The following SLC39A11 variants were observed in gnomAD, a reference collection of about 807,000 sequenced individuals.
SLC39A11 encodes the protein solute carrier family 39 member 11, also known as zinc transporter ZIP11.
Under a neutral mutation model 36.1 loss-of-function variants are expected in SLC39A11, and 33 were observed. The observed-to-expected ratio is 0.91, with a 90% confidence interval of 0.69 to 1.22. The LOEUF is 1.22. SLC39A11 is among the 50% of genes most tolerant of loss of function. SLC39A11 has a pLI of 0.00. For synonymous variants in SLC39A11, 166 were observed against 170.3 expected (o/e 0.97, Z 0.20); for missense variants, 432 against 430.3 (o/e 1.00, Z -0.03).
Position 72,722,737 on chromosome 17 carries a change from C to A in SLC39A11, c.671+13913G>T, listed in dbSNP as rs760407723. On this transcript the variant is annotated intron_variant, in intron 7 of 9. Transcript: ENST00000255559. ...GCAACCTCCGCCTCCCGGGTTCAAG[C>A]GATTCTCCTGCCTCAGCCTCCCGAG... 6.1e-4 allele frequency among the ~76,000 whole-genome samples: 93 copies of A among 152,130 alleles called. 1 individual carries two copies. The highest frequency in any genetic ancestry group is 1.0e-3 in the Non-Finnish European group (71 of 67,984).
chr17:72,740,766 T>G (rs994199411), intron 6 of SLC39A11, among the ~76,000 whole-genome samples: 2 of 152,134 alleles, frequency 1.3e-5, no homozygotes, highest in African/African-American at 4.8e-5. Context: ...AAGGCCTTTT[T>G]TTATTTTTAT....
At chr17:72,740,770 T>C (rs924957806) in intron 6 of SLC39A11, among the ~76,000 whole-genome samples, 5 of 152,264 alleles carry the variant, frequency 3.3e-5, no homozygotes, top group Middle Eastern at 3.4e-3. Flanking sequence ...CCTTTTTTTA[T>C]TTTTATTTTT....
intron 6 of SLC39A11, among the ~76,000 whole-genome samples, chr17:72,800,944 T>A (rs2077064068): frequency 6.6e-6 from 1 of 152,208 alleles, no homozygotes; most frequent in East Asian, 1.9e-4. Flanking sequence ...TTAAAACTAA[T>A]GTGCCATGCA....
chr17:72,742,780 G>A (rs910885389), intron 6 of SLC39A11, among the ~76,000 whole-genome samples: 1 of 152,140 alleles, frequency 6.6e-6, no homozygotes, highest in African/African-American at 2.4e-5. Context: ...AAAATAAACA[G>A]GAATAAAATT....
At chr17:72,694,262 G>T (rs2072181032) in intron 7 of SLC39A11, among the ~76,000 whole-genome samples, 1 of 152,198 alleles carries the variant, frequency 6.6e-6, no homozygotes, top group Non-Finnish European at 1.5e-5. Flanking sequence ...GTTGCCACCG[G>T]GCTGTGGAAC....
At chr17:72,940,315 G>C (rs999352244) in intron 5 of SLC39A11, among the ~76,000 whole-genome samples, 3 of 145,576 alleles carry the variant, frequency 2.1e-5, no homozygotes, top group Non-Finnish European at 4.5e-5. Context: ...TGCTCTTGTC[G>C]CCCAGGCTGG....
At chr17:72,889,858 G>A (rs981367804) in intron 5 of SLC39A11, among the ~76,000 whole-genome samples, 5 of 152,176 alleles carry the variant, frequency 3.3e-5, no homozygotes, top group African/African-American at 4.8e-5. Context: ...GCCACGTGCT[G>A]TACTGAGTAG....
chr17:72,882,915 G>A (rs755934781), intron 5 of SLC39A11, among the ~76,000 whole-genome samples: 4 of 150,742 alleles, frequency 2.7e-5, no homozygotes, highest in Non-Finnish European at 4.4e-5. Flanking sequence ...TCCTGCCTCA[G>A]CCTCCCCAGT....
chr17:72,969,387 C>G (rs2087259960), intron 4 of SLC39A11, among the ~76,000 whole-genome samples: 1 of 152,056 alleles, frequency 6.6e-6, no homozygotes, highest in Non-Finnish European at 1.5e-5. Context: ...GTGGGACCAA[C>G]AGAAGAGGGA....
intron 6 of SLC39A11, among the ~76,000 whole-genome samples, chr17:72,739,304 T>C (rs892118395): frequency 6.6e-6 from 1 of 151,964 alleles, no homozygotes; most frequent in African/African-American, 2.4e-5. Context: ...TTTTTGTACT[T>C]TTAGTAGAGA....
intron 6 of SLC39A11, among the ~76,000 whole-genome samples, chr17:72,807,782 G>C (rs2077309138): frequency 1.3e-5 from 2 of 152,156 alleles, no homozygotes; most frequent in South Asian, 4.1e-4. Flanking sequence ...TGGTAATTTT[G>C]CAAGTAGATG....
At chr17:72,945,652 G>A (rs565744518) in intron 5 of SLC39A11, among the ~76,000 whole-genome samples, 219 of 152,284 alleles carry the variant, frequency 1.4e-3, no homozygotes, top group Non-Finnish European at 2.7e-3. Context: ...CGGTTACAAG[G>A]GTTGCTTGGT....
rs183090104 is a variant in SLC39A11, at chr17:72,846,585, T to C, written c.601+3049A>G. On this transcript the variant is annotated intron_variant, in intron 6 of 9. Coordinates refer to ENST00000255559, the MANE Select transcript of SLC39A11 (RefSeq NM_139177.4). ...AACTCTGAACCATCCTGGCCTTCCA[T>C]TGGGATGAGCCAGGAAATAATTCCA... is the stretch of plus-strand genomic sequence containing the variant. 3.4e-3 allele frequency among the ~76,000 whole-genome samples: 512 copies of C among 152,332 alleles called. 3 individuals carry two copies. The highest frequency in any genetic ancestry group is 0.012 in the African/African-American group (489 of 41,582).
At chr17:72,837,914 C>A in intron 6 of SLC39A11, 4 of 1,219,438 alleles carry the variant, frequency 3.3e-6, no homozygotes, top group Non-Finnish European at 4.1e-6. Flanking sequence ...TGCTAATAAG[C>A]ATGCAGTTTC....
At chr17:72,837,896 G>A in intron 6 of SLC39A11, 1 of 1,186,718 alleles carries the variant, frequency 8.4e-7, no homozygotes, top group Non-Finnish European at 1.1e-6. Flanking sequence ...GGAGGAATGG[G>A]GAGTGACTGC....
intron 4 of SLC39A11, among the ~76,000 whole-genome samples, chr17:73,029,828 C>T (rs1047627295): frequency 5.9e-5 from 9 of 152,260 alleles, no homozygotes; most frequent in African/African-American, 9.6e-5. Context: ...GTGATCTGCC[C>T]GCCTCAGACT....
chr17:72,730,106 A>T (rs1274154816), intron 7 of SLC39A11, among the ~76,000 whole-genome samples: 1 of 152,196 alleles, frequency 6.6e-6, no homozygotes, highest in Non-Finnish European at 1.5e-5. Context: ...ACTGGGCTAC[A>T]GTTTATATAT....
intron 4 of SLC39A11, among the ~76,000 whole-genome samples, chr17:72,953,364 T>C (rs1252823739): frequency 1.3e-5 from 2 of 151,930 alleles, no homozygotes; most frequent in Non-Finnish European, 2.9e-5. Flanking sequence ...GAAAGAAAGA[T>C]GATGAAATAA....
chr17:72,725,162 T>C (rs913934135), intron 7 of SLC39A11, among the ~76,000 whole-genome samples: 1 of 152,208 alleles, frequency 6.6e-6, no homozygotes, highest in Non-Finnish European at 1.5e-5. Context: ...GAAAAGTAAA[T>C]GTCACCCTCT....
Sources: gnomAD v4.1 joint callset for allele counts (sites outside exome capture counted in the v4.1 genomes callset) on GRCh38, gnomAD v4.1.1 for gene constraint, MANE v1.5 for transcripts, NCBI Gene and HGNC (gene_info 2026-07-23, HGNC 2026-07-21) for gene names.